The following CPNE5 variants were observed in gnomAD, a reference collection of about 807,000 sequenced individuals.
The protein encoded by CPNE5 is copine-5.
CPNE5 carries 42 observed loss-of-function variants against 81.1 expected under a neutral mutation model. That is an observed-to-expected ratio of 0.52 (90% CI 0.40 to 0.67). The LOEUF is 0.67. Ranked by LOEUF, CPNE5 falls within the 30% of genes least tolerant of loss-of-function variation. The pLI is 0.00. For missense variants in CPNE5, 612 were observed against 815.5 expected, an observed-to-expected ratio of 0.75 and a Z score of 3.04; for synonymous variants, 313 against 321.5, an observed-to-expected ratio of 0.97 and a Z score of 0.28.
At chr6:36,743,423 A>G (rs908688121) in intron 20 of CPNE5, among the ~76,000 whole-genome samples, 1 of 152,222 alleles carries the variant, frequency 6.6e-6, no homozygotes, top group Non-Finnish European at 1.5e-5. Context: ...GAGGCTGAGG[A>G]AGGGCTGGCA....
At chr6:36,791,322 G>C (rs1769071798) in intron 8 of CPNE5, among the ~76,000 whole-genome samples, 1 of 152,096 alleles carries the variant, frequency 6.6e-6, no homozygotes, top group Non-Finnish European at 1.5e-5. Context: ...CCATAGAATG[G>C]GAGTAACATT....
intron 18 of CPNE5, 21 bp downstream of exon 18, chr6:36,745,027 C>A (rs759149839): frequency 1.3e-6 from 2 of 1,569,252 alleles, no homozygotes; most frequent in South Asian, 1.1e-5. Context: ...CCGCCTCCCC[C>A]ACCGCACACT....
rs1763694455 is a variant in CPNE5 at position 36,742,869 on chromosome 6, C to CCT, written c.1564-385_1564-384dup. On this transcript the variant is annotated intron_variant, in intron 20 of 20. Transcript: ENST00000244751. ...TTTCCCCCGACCTGTCCAGCAGAGC[C>CCT]CTCTCTCTCTGGCCTCTCTTCGTTC... is the stretch of plus-strand genomic sequence containing the variant. 1.0e-5 allele frequency: 10 copies of CCT among 984,740 alleles called. 1 individual carries two copies. The South Asian group carries it at 2.8e-4, about 28-fold the overall frequency. 61.0% of individuals were successfully genotyped at this position (984,740 alleles called of 1,614,324 possible).
intron 3 of CPNE5, among the ~76,000 whole-genome samples, chr6:36,818,659 A>G (rs1771774080): frequency 6.6e-6 from 1 of 152,178 alleles, no homozygotes; most frequent in Non-Finnish European, 1.5e-5. Flanking sequence ...AGGTGCAGAG[A>G]GGTTAAGTAA....
chr6:36,794,515 C>T lies in CPNE5; in HGVS notation c.464+75G>A, dbSNP rs140799356. On this transcript the variant is annotated intron_variant, in intron 7 of 20. Coordinates refer to ENST00000244751, the MANE Select transcript of CPNE5 (RefSeq NM_020939.2). ...CAGTGATGGGAGCAGGGACGAGGCCCAGACTCTGAGGCCCCCTTTGCAGAG... is the reference window on the plus strand; with the variant it reads ...CAGTGATGGGAGCAGGGACGAGGCCTAGACTCTGAGGCCCCCTTTGCAGAG... 3.0e-4 allele frequency: 424 copies of T among 1,404,448 alleles called. 7 individuals carry two copies. The Admixed American group carries it at 5.9e-3, about 19-fold the overall frequency. The allele number at this position is 1,404,448 out of a possible 1,614,324, so 87.0% of individuals were successfully genotyped here.
At chr6:36,756,425 C>A (rs1028246305) in intron 12 of CPNE5, 127 bp from the exon 13 acceptor site, 1 of 720,978 alleles carries the variant, frequency 1.4e-6, no homozygotes, top group East Asian at 2.6e-5. Context: ...GTGAAGACCA[C>A]GGGGCCAGGG....
At position 36,800,465 on chromosome 6, in the gene CPNE5, G is replaced by A. The variant is rs557794913; in HGVS notation, c.184-395C>T. On this transcript the variant is annotated intron_variant, in intron 3 of 20. Transcript: ENST00000244751. Reference sequence around the variant, plus strand: ...CAATCAGAGAATTTTATTTCTCTGAGCCTCCACCGAACTTGCGCCCACTCC... The same window carrying A: ...CAATCAGAGAATTTTATTTCTCTGAACCTCCACCGAACTTGCGCCCACTCC... Among the ~76,000 whole-genome samples the A allele has an allele frequency of 5.3e-5, 8 of 152,142 alleles. No homozygotes were observed. In the East Asian group the frequency reaches 1.5e-3, roughly 29 times the overall value.
intron 20 of CPNE5, chr6:36,743,295 T>TCTAGA: frequency 1.1e-6 from 1 of 927,834 alleles, no homozygotes; most frequent in African/African-American, 1.8e-5. Flanking sequence ...GATGCTTACA[T>TCTAGA]TGATTCAGTT....
chr6:36,741,880 C>T lies in CPNE5; in HGVS notation c.*388G>A, dbSNP rs923201355. On this transcript the variant is annotated 3_prime_UTR_variant, in exon 21 of 21. Transcript: ENST00000244751. The stretch of plus-strand genomic sequence containing the variant: ...GAGTAGACACCATGGGAGGATGGGA[C>T]GGAGATGGGGGGCTGGAGGAGGCCA... 1.6e-4 allele frequency: 33 copies of T among 204,622 alleles called. No individual in the cohort carries two copies. The highest frequency in any genetic ancestry group is 2.9e-4 in the Non-Finnish European group (30 of 101,876). 12.7% of individuals were successfully genotyped at this position (204,622 alleles called of 1,614,324 possible).
chr6:36,793,766 C>T (rs1769309312), intron 7 of CPNE5, among the ~76,000 whole-genome samples: 1 of 152,210 alleles, frequency 6.6e-6, no homozygotes, highest in Admixed American at 6.5e-5. Context: ...TGCAGCTGGT[C>T]CAGTGGCATA....
chr6:36,747,878 C>T (rs886353688), intron 15 of CPNE5, among the ~76,000 whole-genome samples: 3 of 152,236 alleles, frequency 2.0e-5, no homozygotes, highest in Admixed American at 6.5e-5. Context: ...CCACTCCAGC[C>T]TGTGGGTTGG....
upstream of CPNE5, chr6:36,839,768 G>C (rs2150643973): frequency 5.6e-6 from 1 of 178,162 alleles, no homozygotes; most frequent in African/African-American, 2.3e-5. This position sits in a 1 kb window ranked among gnomAD's most constrained non-coding sequence, Gnocchi z 7.3. Context: ...GGCAGAGGTA[G>C]AGGGGATGCA....
intron 12 of CPNE5, among the ~76,000 whole-genome samples, chr6:36,758,278 G>T (rs916325445): frequency 1.3e-5 from 2 of 152,152 alleles, no homozygotes; most frequent in South Asian, 4.1e-4. Flanking sequence ...TTATCTATAC[G>T]TGTCTGTTGC....
At chr6:36,820,019 C>T (rs1238602737) in intron 3 of CPNE5, among the ~76,000 whole-genome samples, 2 of 152,248 alleles carry the variant, frequency 1.3e-5, no homozygotes, top group African/African-American at 2.4e-5. Context: ...CATCCCACCT[C>T]GCACCATGGA....
chr6:36,782,203 C>T (rs903117255), intron 8 of CPNE5, among the ~76,000 whole-genome samples: 1 of 152,146 alleles, frequency 6.6e-6, no homozygotes, highest in Admixed American at 6.5e-5. Context: ...ATCATGATCT[C>T]GCACGAATCT....
intron 8 of CPNE5, among the ~76,000 whole-genome samples, chr6:36,780,260 GC>G (rs991763206): frequency 4.6e-5 from 7 of 152,106 alleles, no homozygotes; most frequent in Non-Finnish European, 1.0e-4. Context: ...ACTGCACCTG[GC>G]CCCCCCTTCC....
intron 3 of CPNE5, among the ~76,000 whole-genome samples, chr6:36,815,317 ATT>A: frequency 6.6e-6 from 1 of 152,302 alleles, no homozygotes; most frequent in East Asian, 1.9e-4. Context: ...CACCCCCAGC[ATT>A]CATCCCCCAG....
At chr6:36,816,905 A>G (rs1430473022) in intron 3 of CPNE5, among the ~76,000 whole-genome samples, 1 of 152,132 alleles carries the variant, frequency 6.6e-6, no homozygotes, top group Admixed American at 6.5e-5. Flanking sequence ...CAGCCTCCCA[A>G]GTATCTGGGA....
At position 36,746,148 on chromosome 6, in the gene CPNE5, G is replaced by C. The variant is rs555186905; in HGVS notation, c.1200+248C>G. ...ACAGCTCGCCTCCACCTGCACCTGC[G>C]TCTTGTCAGGAACAAGGAAGCCAGG... is the stretch of plus-strand genomic sequence containing the variant. On this transcript the variant is annotated intron_variant, in intron 16 of 20. Coordinates refer to ENST00000244751, the MANE Select transcript of CPNE5 (RefSeq NM_020939.2). This position sits in a 1 kb window ranked among gnomAD's most constrained non-coding sequence, Gnocchi z 4.5. The C allele has an allele frequency of 1.0e-6, 1 of 985,096 alleles. No individual in the cohort carries two copies. The highest frequency in any genetic ancestry group is 1.7e-5 in the African/African-American group (1 of 57,200). 61.0% of individuals were successfully genotyped at this position (985,096 alleles called of 1,614,324 possible).
Sources: gnomAD v4.1 joint callset for allele counts (sites outside exome capture counted in the v4.1 genomes callset) on GRCh38, gnomAD v4.1.1 for gene constraint, Gnocchi (gnomAD v3.1) non-coding constraint, MANE v1.5 for transcripts, NCBI Gene and HGNC (gene_info 2026-07-23, HGNC 2026-07-21) for gene names.